The following FADS1 variants were observed in gnomAD, a reference collection of about 807,000 sequenced individuals.
FADS1 encodes the protein acyl-CoA (8-3)-desaturase.
In FADS1, 17 loss-of-function variants were observed where a neutral mutation model predicts 61.6. The observed-to-expected ratio is 0.28, with a 90% confidence interval of 0.19 to 0.41. FADS1 has a LOEUF of 0.41. FADS1 is among the 10% of genes least tolerant of loss of function. The pLI is 1.00. For synonymous variants in FADS1, 238 were observed against 258.7 expected, an observed-to-expected ratio of 0.92 and a Z score of 0.77; for missense variants, 387 against 650.9, an observed-to-expected ratio of 0.59 and a Z score of 4.41.
At chr11:61,813,143 G>A in intron 2 of FADS1, 100 bp downstream of exon 2, 1 of 794,666 alleles carries the variant, frequency 1.3e-6, no homozygotes, top group Non-Finnish European at 2.2e-6. Flanking sequence ...ACTACTGACT[G>A]TGATTACTAT....
rs2135938820 is a variant in FADS1, at chr11:61,810,960, C to T, written c.786+14G>A. The T allele has an allele frequency of 6.2e-7, 1 of 1,613,920 alleles. No individual in the cohort carries two copies. The highest frequency in any genetic ancestry group is 8.5e-7 in the Non-Finnish European group (1 of 1,179,790). ...TGCCTGGAGTTTTAGAGAGCTCCTCCCCATCCCACTGACCTTCAGGTGGCC... is the reference window on the plus strand; with the variant it reads ...TGCCTGGAGTTTTAGAGAGCTCCTCTCCATCCCACTGACCTTCAGGTGGCC... On this transcript the variant is annotated intron_variant, in intron 4 of 11. Coordinates refer to ENST00000350997, the MANE Select transcript of FADS1 (RefSeq NM_013402.7).
chr11:61,814,403 C>G (rs530886643), intron 1 of FADS1: 2 of 152,346 alleles, frequency 1.3e-5, no homozygotes, highest in African/African-American at 4.8e-5. Flanking sequence ...CCACAGACAG[C>G]TTTTGCCCAA....
chr11:61,810,331 A>C (rs576472625), intron 5 of FADS1, among the ~76,000 whole-genome samples: 1 of 152,346 alleles, frequency 6.6e-6, no homozygotes, highest in African/African-American at 2.4e-5. Flanking sequence ...CCCTGGACAG[A>C]GAAGACTGTG....
Position 61,816,968 on chromosome 11 carries a change from C to A in FADS1, c.-39G>T. 2 of 1,368,888 alleles carry A rather than the reference C, an allele frequency of 1.5e-6. No homozygotes were observed. Among genetic ancestry groups the A allele is most frequent in the South Asian group, 1.7e-5 (1 of 58,804 alleles). 84.8% of individuals were successfully genotyped at this position (1,368,888 alleles called of 1,614,324 possible). Reference sequence around the variant, plus strand: ...TGGCGCGGGGAGCGAGATCCCGTCCCCCGGTGGGTCTTGGGCAACTCACAG... The same window carrying A: ...TGGCGCGGGGAGCGAGATCCCGTCCACCGGTGGGTCTTGGGCAACTCACAG... On this transcript the variant is annotated 5_prime_UTR_variant, in exon 1 of 12. Coordinates refer to ENST00000350997, the MANE Select transcript of FADS1 (RefSeq NM_013402.7). The surrounding 1 kb of genome is among the most constrained non-coding windows in gnomAD (Gnocchi z 7.0).
At chr11:61,804,827 G>A in intron 6 of FADS1, 66 bp from the exon 7 acceptor site, 2 of 1,378,574 alleles carry the variant, frequency 1.5e-6, no homozygotes, top group Non-Finnish European at 2.1e-6. Flanking sequence ...GCCAGTTGAT[G>A]TTGGGAGAGA....
rs1190522738 is a variant in FADS1 at position 61,802,276 on chromosome 11, G to C, written c.*135C>G. On this transcript the variant is annotated 3_prime_UTR_variant, in exon 12 of 12. Coordinates refer to ENST00000350997, the MANE Select transcript of FADS1 (RefSeq NM_013402.7). The surrounding 1 kb of genome is among the most constrained non-coding windows in gnomAD (Gnocchi z 4.2). ...GCTAGAAGATAAAAGGGAGGAGTTT[G>C]AGTCAGAGGCTTTATGTCCCCAAAC... 5.2e-6 allele frequency: 4 copies of C among 764,868 alleles called. No individual in the cohort carries two copies. The highest frequency in any genetic ancestry group is 2.7e-5 in the East Asian group (1 of 37,352). The allele number at this position is 764,868 out of a possible 1,614,324, so 47.4% of individuals were successfully genotyped here.
At position 61,802,166 on chromosome 11, in the gene FADS1, G is replaced by A; in HGVS notation, c.*245C>T. On this transcript the variant is annotated 3_prime_UTR_variant, in exon 12 of 12. Coordinates refer to ENST00000350997, the MANE Select transcript of FADS1 (RefSeq NM_013402.7). This position sits in a 1 kb window ranked among gnomAD's most constrained non-coding sequence, Gnocchi z 4.2. ...CCTGCATGTGCCAAACTAGAAAAAG[G>A]AAATAATTTACACCCCTGCCCCAAC... The A allele has an allele frequency of 1.9e-6, 1 of 521,682 alleles. No individual in the cohort carries two copies. The highest frequency in any genetic ancestry group is 3.5e-6 in the Non-Finnish European group (1 of 289,544). 32.3% of individuals were successfully genotyped at this position (521,682 alleles called of 1,614,324 possible).
chr11:61,811,886 C>A (rs925802244), intron 3 of FADS1: 3 of 440,086 alleles, frequency 6.8e-6, no homozygotes, highest in East Asian at 1.5e-4. Flanking sequence ...CTGTGCCTGG[C>A]CTTTTTGTAT....
At chr11:61,809,998 G>A (rs1265745579) in intron 5 of FADS1, among the ~76,000 whole-genome samples, 1 of 152,186 alleles carries the variant, frequency 6.6e-6, no homozygotes, top group Non-Finnish European at 1.5e-5. Flanking sequence ...AAGCTGAAAT[G>A]TCACAAAGTG....
chr11:61,816,946 C>G lies in FADS1; in HGVS notation c.-17G>C, dbSNP rs2066991583. 2 of 1,375,462 alleles carry G rather than the reference C, an allele frequency of 1.5e-6. No individual in the cohort carries two copies. Among genetic ancestry groups the G allele is most frequent in the South Asian group, 3.3e-5 (2 of 60,200 alleles). The allele number at this position is 1,375,462 out of a possible 1,614,324, so 85.2% of individuals were successfully genotyped here. On this transcript the variant is annotated 5_prime_UTR_variant, in exon 1 of 12. Coordinates refer to ENST00000350997, the MANE Select transcript of FADS1 (RefSeq NM_013402.7). This position sits in a 1 kb window ranked among gnomAD's most constrained non-coding sequence, Gnocchi z 7.0. Reference sequence around the variant, plus strand: ...CGTTCCCATTGGCCGAGCCTCGTGGCGCGGGGAGCGAGATCCCGTCCCCCG... The same window carrying G: ...CGTTCCCATTGGCCGAGCCTCGTGGGGCGGGGAGCGAGATCCCGTCCCCCG...
In FADS1 at chr11:61,800,097, A is replaced by G. The variant is rs2066844084; in HGVS notation, c.*2314T>C. ...TGGCTAAACAGGCTGGTGACACCAC[A>G]CCCAAAAGGTGGCAAAGAATAGGAA... is the stretch of plus-strand genomic sequence containing the variant. On this transcript the variant is annotated 3_prime_UTR_variant, in exon 12 of 12. Transcript: ENST00000350997. 2.0e-5 allele frequency: 3 copies of G among 152,746 alleles called. No homozygotes were observed. Among genetic ancestry groups the G allele is most frequent in the Admixed American group, 6.5e-5 (1 of 15,278 alleles). 9.5% of individuals were successfully genotyped at this position (152,746 alleles called of 1,614,324 possible).
chr11:61,811,658 C>T (rs553668108), intron 3 of FADS1, among the ~76,000 whole-genome samples: 5 of 151,624 alleles, frequency 3.3e-5, no homozygotes, highest in East Asian at 2.0e-4. Context: ...GGTGCCAACT[C>T]GGCTCACTGC....
In FADS1 at chr11:61,816,255, C is replaced by G. The variant is rs747691584; in HGVS notation, c.375+300G>C. The G allele has an allele frequency of 1.7e-5, 27 of 1,597,664 alleles. No homozygotes were observed. The East Asian group carries it at 5.8e-4, about 34-fold the overall frequency. On this transcript the variant is annotated intron_variant, in intron 1 of 11. Transcript: ENST00000350997. The surrounding 1 kb of genome is among the most constrained non-coding windows in gnomAD (Gnocchi z 7.0). ...CCCAGCTCGGGGTTCTGTCCCCGCC[C>G]AGAGACCTGAGGCTCGGGGCTGCAG...
Position 61,816,203 on chromosome 11 carries a change from AT to A in FADS1, c.375+351del, listed in dbSNP as rs1565322374. ...CCCCCTCCCTCCCCAGGCGGCCTGC[AT>A]CCTTGCTCTCCTCCCTCCTAGCCTA... On this transcript the variant is annotated intron_variant, in intron 1 of 11. Coordinates refer to ENST00000350997, the MANE Select transcript of FADS1 (RefSeq NM_013402.7). The surrounding 1 kb of genome is among the most constrained non-coding windows in gnomAD (Gnocchi z 7.0). 2 of 1,539,620 alleles carry A rather than the reference AT, an allele frequency of 1.3e-6. No individual in the cohort carries two copies. Among genetic ancestry groups the A allele is most frequent in the Non-Finnish European group, 1.8e-6 (2 of 1,141,928 alleles).
Position 61,810,766 on chromosome 11 carries a change from C to A in FADS1, c.900G>T (p.Lys300Asn), listed in dbSNP as rs1480563530. 6 of 1,614,070 alleles carry A rather than the reference C, an allele frequency of 3.7e-6. No homozygotes were observed. Among genetic ancestry groups the A allele is most frequent in the Middle Eastern group, 1.6e-4 (1 of 6,084 alleles). Residue 300 changes from lysine (K) to asparagine (N), a missense_variant, in exon 5 of 12, where the codon AAG (lysine) becomes AAT (asparagine). By Grantham distance (94) the Lys-to-Asn change is moderately conservative. This residue lies in a region of FADS1 where 257 missense variants were observed against 533.3 expected (regional missense o/e 0.48). Transcript: ENST00000350997. ...CTCCACGCACCTCCACAGAGAGGAT[C>A]TTCCCCAAGGCAAAGAAGAAGGGAT... Reference protein sequence around the residue: ...NMHPFFFALGKILSVELGKQK... With the variant: ...NMHPFFFALGNILSVELGKQK...
chr11:61,811,936 G>A (rs1422279869), intron 3 of FADS1: 1 of 403,942 alleles, frequency 2.5e-6, no homozygotes, highest in Admixed American at 2.7e-5. Flanking sequence ...GGCTGGTCTT[G>A]AACTGAGATC....
intron 5 of FADS1, 44 bp from the exon 6 acceptor site, chr11:61,806,768 T>C (rs1267220801): frequency 5.1e-6 from 8 of 1,571,708 alleles, no homozygotes; most frequent in Non-Finnish European, 7.0e-6. Context: ...GACCAGTGAT[T>C]CCTCCCTCTG....
In FADS1 at chr11:61,803,817, T is replaced by G; in HGVS notation, c.1054-50A>C. 1.0e-5 allele frequency: 14 copies of G among 1,350,990 alleles called. No individual in the cohort carries two copies. The highest frequency in any genetic ancestry group is 1.4e-5 in the Non-Finnish European group (13 of 941,228). 83.7% of individuals were successfully genotyped at this position (1,350,990 alleles called of 1,614,324 possible). A position where few individuals can be genotyped will look rare whatever the true frequency, so the allele number is the denominator to read the frequency against. ...TAACAGTCACGAACAACTCTTCCTC[T>G]TCCTCTCAGCAGCTCTTTGTTTGCA... On this transcript the variant is annotated intron_variant, in intron 7 of 11. Coordinates refer to ENST00000350997, the MANE Select transcript of FADS1 (RefSeq NM_013402.7). The surrounding 1 kb of genome is among the most constrained non-coding windows in gnomAD (Gnocchi z 4.3).
chr11:61,816,876 C>CG lies in FADS1; in HGVS notation c.53dup (p.Ala19GlyfsTer80), dbSNP rs909222654. The CG allele has an allele frequency of 6.8e-7, 1 of 1,476,990 alleles. No individual in the cohort carries two copies. The highest frequency in any genetic ancestry group is 2.8e-5 in the East Asian group (1 of 35,340). 91.5% of individuals were successfully genotyped at this position (1,476,990 alleles called of 1,614,324 possible). A position where few individuals can be genotyped will look rare whatever the true frequency, so the allele number is the denominator to read the frequency against. ...CGCCCAGAGCCAGCCGCCTGCGCGC[C>CG]GGGTTTTCAGCACCGCAGGGCAGAC... On this transcript the variant is annotated frameshift_variant, in exon 1 of 12. Coordinates refer to ENST00000350997, the MANE Select transcript of FADS1 (RefSeq NM_013402.7). LOFTEE classifies it high-confidence loss of function. The surrounding 1 kb of genome is among the most constrained non-coding windows in gnomAD (Gnocchi z 7.0).
Sources: gnomAD v4.1 joint callset for allele counts (sites outside exome capture counted in the v4.1 genomes callset) on GRCh38, gnomAD v4.1.1 for gene constraint, gnomAD v4.1.1 regional missense constraint, Gnocchi (gnomAD v3.1) non-coding constraint, MANE v1.5 for transcripts, NCBI Gene and HGNC (gene_info 2026-07-23, HGNC 2026-07-21) for gene names.